The following ERC2 variants were observed in gnomAD, a reference collection of about 807,000 sequenced individuals.
ERC2 encodes ERC protein 2.
ERC2 carries 42 observed loss-of-function variants against 114.8 expected under a neutral mutation model. The ratio of observed to expected loss-of-function variants is 0.37; its 90% CI spans 0.29 to 0.47. The LOEUF (loss-of-function observed/expected upper bound fraction) is 0.47, where lower values mean the gene tolerates loss of function less well. Among genes scored for constraint, ERC2 ranks in the 20% least tolerant of loss-of-function variants. The pLI is 0.99. For missense variants in ERC2, 939 were observed against 1,150.7 expected, an observed-to-expected ratio of 0.82 and a Z score of 2.66; for synonymous variants, 454 against 425.5, an observed-to-expected ratio of 1.07 and a Z score of -0.82.
intron 3 of ERC2, among the ~76,000 whole-genome samples, chr3:56,200,348 G>GGA (rs2048341166): frequency 1.4e-5 from 2 of 141,350 alleles, no homozygotes; most frequent in Admixed American, 1.4e-4. Flanking sequence ...ATACTCAGGG[G>GGA]AAAAAAAAAA....
chr3:55,671,579 T>C (rs2061561586), intron 17 of ERC2, among the ~76,000 whole-genome samples: 1 of 152,152 alleles, frequency 6.6e-6, no homozygotes, highest in South Asian at 2.1e-4. Context: ...GAACAGTGAA[T>C]ATATATGCCC....
At chr3:56,043,801 C>A (rs992605463) in intron 7 of ERC2, among the ~76,000 whole-genome samples, 1 of 152,100 alleles carries the variant, frequency 6.6e-6, no homozygotes, top group East Asian at 1.9e-4. Context: ...AATTCAATTG[C>A]AACTAACTTT....
intron 3 of ERC2, among the ~76,000 whole-genome samples, chr3:56,216,582 C>T (rs1036523883): frequency 3.3e-5 from 5 of 152,200 alleles, no homozygotes; most frequent in Admixed American, 2.0e-4. Context: ...GAACTGGTAC[C>T]ATTCCTTCTG....
chr3:55,693,606 TG>T (rs1183372859), intron 16 of ERC2, among the ~76,000 whole-genome samples: 1 of 151,192 alleles, frequency 6.6e-6, no homozygotes, highest in East Asian at 1.9e-4. Context: ...ACAGGTAAAA[TG>T]GGGGGAAATG....
At chr3:56,369,079 C>T (rs543746420) in intron 2 of ERC2, among the ~76,000 whole-genome samples, 1 of 152,352 alleles carries the variant, frequency 6.6e-6, no homozygotes, top group South Asian at 2.1e-4. Context: ...CTACCCAAGG[C>T]AGCGGGCCAA....
chr3:56,188,648 G>T (rs2083787101), intron 3 of ERC2, among the ~76,000 whole-genome samples: 1 of 152,170 alleles, frequency 6.6e-6, no homozygotes, highest in Admixed American at 6.5e-5. Context: ...TCAAACACTT[G>T]TCTGTAATGA....
intron 17 of ERC2, among the ~76,000 whole-genome samples, chr3:55,569,630 C>T (rs757811560): frequency 2.0e-5 from 3 of 152,298 alleles, no homozygotes; most frequent in Admixed American, 1.3e-4. Context: ...TGAAACTCCT[C>T]TTAAGCTAAA....
chr3:55,786,953 A>G (rs969367094), intron 14 of ERC2, among the ~76,000 whole-genome samples: 8 of 152,322 alleles, frequency 5.3e-5, no homozygotes, highest in African/African-American at 1.9e-4. Flanking sequence ...AGGAAGAACT[A>G]TACTACTACA....
At chr3:55,975,360 A>G (rs564287967) in intron 12 of ERC2, among the ~76,000 whole-genome samples, 5 of 152,132 alleles carry the variant, frequency 3.3e-5, no homozygotes, top group African/African-American at 7.2e-5. Context: ...GTTTCTTCCA[A>G]TTTCCATAGT....
intron 1 of ERC2, among the ~76,000 whole-genome samples, chr3:56,458,184 T>G (rs188347511): frequency 6.6e-6 from 1 of 152,340 alleles, no homozygotes; most frequent in East Asian, 1.9e-4. Flanking sequence ...TTAAAATAAC[T>G]AATAAAATGA....
intron 2 of ERC2, among the ~76,000 whole-genome samples, chr3:56,350,815 T>C (rs2150525484): frequency 6.6e-6 from 1 of 152,346 alleles, no homozygotes; most frequent in Non-Finnish European, 1.5e-5. Context: ...ATTCTCATGC[T>C]GTTGGAGTGG....
At chr3:56,103,988 A>G (rs577249916) in intron 6 of ERC2, among the ~76,000 whole-genome samples, 14 of 152,214 alleles carry the variant, frequency 9.2e-5, no homozygotes, top group Non-Finnish European at 2.1e-4. Flanking sequence ...GCCCAGTATC[A>G]ATGCACTGTA....
At chr3:55,811,587 T>A (rs1216818617) in intron 14 of ERC2, among the ~76,000 whole-genome samples, 1 of 152,210 alleles carries the variant, frequency 6.6e-6, no homozygotes, top group Non-Finnish European at 1.5e-5. Context: ...GAGCTCAATT[T>A]CTTGCCACCT....
In ERC2 at chr3:55,950,528, T is replaced by C. The variant is rs960940106; in HGVS notation, c.2300A>G (p.Asn767Ser). 3 of 1,614,042 alleles carry C rather than the reference T, an allele frequency of 1.9e-6. No homozygotes were observed. Among genetic ancestry groups the C allele is most frequent in the Non-Finnish European group, 2.5e-6 (3 of 1,179,898 alleles). ...TTCCAACTGTTGATTGTGCTTGAGG[T>C]TGGCCACCTTCTTATTCTGATCTTT... ...HMKDQNKKVA[N>S]LKHNQQLEKK... is the part of the protein sequence containing the mutation. The change falls in exon 13 of 18, where the codon AAC (asparagine) becomes AGC (serine). Residue 767 changes from asparagine (N) to serine (S), a missense_variant. Physicochemically the swap from Asn to Ser is conservative, Grantham distance 46. Coordinates refer to ENST00000288221, the MANE Select transcript of ERC2 (RefSeq NM_015576.3).
chr3:56,394,378 C>T (rs1404597906), intron 2 of ERC2, among the ~76,000 whole-genome samples: 3 of 152,160 alleles, frequency 2.0e-5, no homozygotes, highest in African/African-American at 7.2e-5. Context: ...ATAAAAGCTA[C>T]TTTACAACTA....
intron 14 of ERC2, among the ~76,000 whole-genome samples, chr3:55,844,844 A>G (rs1048205643): frequency 3.9e-5 from 6 of 152,248 alleles, no homozygotes; most frequent in African/African-American, 1.4e-4. Context: ...AATAAGCTAC[A>G]TCAGAGGATA....
In ERC2 at chr3:55,593,124, C is replaced by T. The variant is rs528980791; in HGVS notation, c.*40-81848G>A. On this transcript the variant is annotated intron_variant, in intron 17 of 17. Transcript: ENST00000288221. ...TTAACTAACTAGACTTGGGACTACA[C>T]GCTAGGCCCTTGACTCCTGATCCAG... Among the ~76,000 whole-genome samples, 6 of 152,332 alleles carry T rather than the reference C, an allele frequency of 3.9e-5. No homozygotes were observed. In the East Asian group the frequency reaches 5.8e-4, roughly 15 times the overall value.
At chr3:55,850,268 A>C (rs1008635529) in intron 14 of ERC2, among the ~76,000 whole-genome samples, 1 of 152,162 alleles carries the variant, frequency 6.6e-6, no homozygotes, top group African/African-American at 2.4e-5. Flanking sequence ...TTACATCTGA[A>C]AAGACCCTTA....
chr3:55,571,451 C>A (rs897886334), intron 17 of ERC2, among the ~76,000 whole-genome samples: 1 of 152,204 alleles, frequency 6.6e-6, no homozygotes, highest in African/African-American at 2.4e-5. Context: ...GGGTCTCACA[C>A]TCCAGACCAT....
Sources: gnomAD v4.1 joint callset for allele counts (sites outside exome capture counted in the v4.1 genomes callset) on GRCh38, gnomAD v4.1.1 for gene constraint, MANE v1.5 for transcripts, NCBI Gene and HGNC (gene_info 2026-07-23, HGNC 2026-07-21) for gene names.